The following ZNF169 variants were observed in gnomAD, a reference collection of about 807,000 sequenced individuals.
ZNF169 encodes zinc finger protein 169.
In ZNF169, 11 loss-of-function variants were observed where a neutral mutation model predicts 12.0. The ratio of observed to expected loss-of-function variants is 0.92; its 90% CI spans 0.58 to 1.52. The LOEUF is 1.52. Among genes scored for constraint, ZNF169 ranks in the 40% most tolerant of loss-of-function variants. ZNF169 has a pLI of 0.00. For missense variants in ZNF169, 722 were observed against 744.0 expected (o/e 0.97, Z 0.34); for synonymous variants, 302 against 286.5 (o/e 1.05, Z -0.55).
intron 1 of ZNF169, among the ~76,000 whole-genome samples, chr9:94,276,030 A>G (rs3118760): frequency 0.89 from 135,944 of 152,120 alleles, 61,451 homozygotes; most frequent in East Asian, 0.99. Flanking sequence ...CGCCTCAGCC[A>G]CCTCTCAAAG....
At chr9:94,292,526 T>C (rs1031646907) in intron 3 of ZNF169, 59 bp downstream of exon 3, 1 of 1,569,032 alleles carries the variant, frequency 6.4e-7, no homozygotes, top group Admixed American at 1.9e-5. Context: ...AGCTCTTACA[T>C]AGCAAGCTGC....
chr9:94,272,430 A>AG (rs1830439646), intron 1 of ZNF169, among the ~76,000 whole-genome samples: 1 of 152,166 alleles, frequency 6.6e-6, no homozygotes, highest in Non-Finnish European at 1.5e-5. Context: ...CCTATTGAAT[A>AG]GCAGCTCATT....
intron 2 of ZNF169, among the ~76,000 whole-genome samples, chr9:94,286,677 C>T (rs924190930): frequency 1.3e-5 from 2 of 152,142 alleles, no homozygotes; most frequent in African/African-American, 4.8e-5. Context: ...GAGAATATGA[C>T]AGAAGTCCAG....
chr9:94,280,478 A>G (rs1191564416), intron 2 of ZNF169, among the ~76,000 whole-genome samples: 1 of 152,202 alleles, frequency 6.6e-6, no homozygotes, highest in Admixed American at 6.5e-5. Flanking sequence ...ACTTCTCTCA[A>G]TATACATTTT....
Position 94,263,976 on chromosome 9 carries a change from A to G in ZNF169, c.-56+4631A>G, listed in dbSNP as rs10993122. Among the ~76,000 whole-genome samples, 1,107 of 152,152 alleles carry G rather than the reference A, an allele frequency of 7.3e-3. 11 individuals are homozygous for G. Among genetic ancestry groups the G allele is most frequent in the Non-Finnish European group, 0.013 (886 of 68,014 alleles). ...ATATATTTGTAACTCTTCACAGTCTATGTAATGTCGAACAACTTCATGTAA... is the reference window on the plus strand; with the variant it reads ...ATATATTTGTAACTCTTCACAGTCTGTGTAATGTCGAACAACTTCATGTAA... On this transcript the variant is annotated intron_variant, in intron 1 of 4. Coordinates refer to ENST00000395395, the MANE Select transcript of ZNF169 (RefSeq NM_194320.4).
chr9:94,294,807 A>G (rs1318256874), intron 4 of ZNF169: 1 of 152,220 alleles, frequency 6.6e-6, no homozygotes, highest in African/African-American at 2.4e-5. Context: ...TGATTTGTAG[A>G]AATCCCATAT....
chr9:94,279,702 G>T (rs917831686), intron 2 of ZNF169, among the ~76,000 whole-genome samples: 4 of 152,080 alleles, frequency 2.6e-5, no homozygotes, highest in African/African-American at 9.7e-5. Flanking sequence ...TGAGATGACT[G>T]GCAGGCTATC....
At chr9:94,276,020 C>T (rs1168865418) in intron 1 of ZNF169, among the ~76,000 whole-genome samples, 2 of 152,158 alleles carry the variant, frequency 1.3e-5, no homozygotes, top group African/African-American at 2.4e-5. Flanking sequence ...GTGATACACC[C>T]GCCTCAGCCA....
intron 1 of ZNF169, among the ~76,000 whole-genome samples, chr9:94,269,251 G>C (rs1205848696): frequency 6.6e-6 from 1 of 152,052 alleles, no homozygotes; most frequent in Non-Finnish European, 1.5e-5. Flanking sequence ...CTCAAAACCT[G>C]ATCTCAACCA....
At chr9:94,282,329 C>T (rs981907513) in intron 2 of ZNF169, among the ~76,000 whole-genome samples, 1 of 152,060 alleles carries the variant, frequency 6.6e-6, no homozygotes, top group Non-Finnish European at 1.5e-5. Context: ...AACATGTGCC[C>T]GAGGCAGTTG....
At chr9:94,270,969 ATATATTATATAAATATACAAATAATATAT>A (rs1830409752) in intron 1 of ZNF169, among the ~76,000 whole-genome samples, 2 of 11,360 alleles carry the variant, frequency 1.8e-4, no homozygotes, top group Non-Finnish European at 2.8e-4. Flanking sequence ...ATAATATATT[ATATATTATATAAATATACAAATAATATAT>A]TATATATTAT....
chr9:94,293,233 T>TC lies in ZNF169; in HGVS notation c.256+170dup, dbSNP rs778370883. 3 of 675,426 alleles carry TC rather than the reference T, an allele frequency of 4.4e-6. No individual in the cohort carries two copies. In the South Asian group the frequency reaches 5.0e-5, roughly 11 times the overall value. The allele number at this position is 675,426 out of a possible 1,614,324, so 41.8% of individuals were successfully genotyped here. Reference sequence around the variant, plus strand: ...CTGCCTGCCTTCCACACTGTGTGCCTCCCCCCAGGACAGGGCACCCCTGGC... The same window carrying TC: ...CTGCCTGCCTTCCACACTGTGTGCCTCCCCCCCAGGACAGGGCACCCCTGGC... On this transcript the variant is annotated intron_variant, in intron 4 of 4. Transcript: ENST00000395395.
Position 94,278,820 on chromosome 9 carries a change from C to G in ZNF169, c.8C>G (p.Pro3Arg), listed in dbSNP as rs1367071326. Residue 3 changes from proline to arginine, a missense_variant, in exon 2 of 5, where the codon CCA becomes CGA. By Grantham distance (103) the Pro-to-Arg change is moderately radical. Transcript: ENST00000395395. ...ACTCCAGAGAGCAGGGATATGTCAC[C>G]AGGACTCCTGACAACCAGGAAGGAG... The part of the protein sequence containing the change: MS[P>R]GLLTTRKEAL... 1 of 1,613,994 alleles carries G rather than the reference C, an allele frequency of 6.2e-7. No individual in the cohort carries two copies. Among genetic ancestry groups the G allele is most frequent in the South Asian group, 1.1e-5 (1 of 91,056 alleles).
Position 94,270,760 on chromosome 9 carries a change from A to T in ZNF169, c.-55-7998A>T, listed in dbSNP as rs10821330. 1.3e-4 allele frequency among the ~76,000 whole-genome samples: 8 copies of T among 62,822 alleles called. No individual in the cohort carries two copies. The East Asian group carries it at 1.6e-3, about 13-fold the overall frequency. 41.2% of individuals were successfully genotyped at this position (62,822 alleles called of 152,430 possible). On this transcript the variant is annotated intron_variant, in intron 1 of 4. Coordinates refer to ENST00000395395, the MANE Select transcript of ZNF169 (RefSeq NM_194320.4). ...AATTAATGTATTTATATAATATATAAATATATATGTTATATATTATATAAA... is the reference window on the plus strand; with the variant it reads ...AATTAATGTATTTATATAATATATATATATATATGTTATATATTATATAAA...
chr9:94,294,503 C>A (rs1323753642), intron 4 of ZNF169: 1 of 152,054 alleles, frequency 6.6e-6, no homozygotes, highest in Non-Finnish European at 1.5e-5. Flanking sequence ...TGCATAGCCT[C>A]AACTTATATA....
At position 94,301,114 on chromosome 9, in the gene ZNF169, G is replaced by A; in HGVS notation, c.1556G>A (p.Cys519Tyr). 1 of 1,614,160 alleles carries A rather than the reference G, an allele frequency of 6.2e-7. No homozygotes were observed. The highest frequency in any genetic ancestry group is 8.5e-7 in the Non-Finnish European group (1 of 1,180,042). ...SEEELYVDRV[C>Y]GQGLGQKSHL... is the part of the protein sequence containing the mutation. The stretch of plus-strand genomic sequence containing the variant: ...GAGGAGCTTTACGTAGACAGGGTGT[G>A]TGGACAAGGACTTGGCCAGAAGTCA... The change falls in exon 5 of 5, where the codon TGT becomes TAT. Residue 519 changes from cysteine to tyrosine, a missense_variant. Transcript: ENST00000395395.
chr9:94,292,425 A>G lies in ZNF169; in HGVS notation c.118A>G (p.Arg40Gly). ...LLSSAQRTLY[R>G]EVMLENYSHL... ...GAGTTCTGCTCAGAGGACCCTGTAC[A>G]GGGAGGTGATGCTGGAGAACTACAG... The change falls in exon 3 of 5, where the codon AGG becomes GGG. Residue 40 changes from arginine to glycine, a missense_variant. Physicochemically the swap from Arg to Gly is moderately radical, Grantham distance 125. Coordinates refer to ENST00000395395, the MANE Select transcript of ZNF169 (RefSeq NM_194320.4). 1.9e-6 allele frequency: 3 copies of G among 1,614,158 alleles called. No individual in the cohort carries two copies. The highest frequency in any genetic ancestry group is 1.7e-6 in the Non-Finnish European group (2 of 1,180,010).
chr9:94,260,255 G>A (rs1361511015), intron 1 of ZNF169, among the ~76,000 whole-genome samples: 1 of 152,150 alleles, frequency 6.6e-6, no homozygotes, highest in African/African-American at 2.4e-5. Context: ...GTTTCACCAT[G>A]TTGGCAAGGC....
chr9:94,265,021 G>GTTTTTTTTTTTTTTTT (rs55756013), intron 1 of ZNF169, among the ~76,000 whole-genome samples: 3 of 90,676 alleles, frequency 3.3e-5, no homozygotes, highest in Non-Finnish European at 5.9e-5. Context: ...TCTGTACCCT[G>GTTTTTTTTTTTTTTTT]TTTTTTTTTT....
Sources: gnomAD v4.1 joint callset for allele counts (sites outside exome capture counted in the v4.1 genomes callset) on GRCh38, gnomAD v4.1.1 for gene constraint, MANE v1.5 for transcripts, NCBI Gene and HGNC (gene_info 2026-07-23, HGNC 2026-07-21) for gene names.